AP3D1: variants seen among roughly 807,000 people sequenced by gnomAD.
The protein encoded by AP3D1 is adaptor related protein complex 3 subunit delta 1, also known as AP-3 complex subunit delta-1.
A neutral mutation model predicts 147.6 loss-of-function variants in AP3D1; 51 were observed. The ratio of observed to expected loss-of-function variants is 0.35; its 90% confidence interval spans 0.28 to 0.44. The LOEUF is 0.44. Ranked by LOEUF, AP3D1 falls within the 20% of genes least tolerant of loss-of-function variation. The pLI, the probability that AP3D1 is intolerant of heterozygous loss-of-function variation, is 1.00. For synonymous variants in AP3D1, 760 were observed against 663.0 expected (o/e 1.15, Z -2.25); for missense variants, 1,421 against 1,624.2 (o/e 0.87, Z 2.15).
Position 2,145,378 on chromosome 19 carries a change from C to T in AP3D1, c.96+5861G>A, listed in dbSNP as rs1213893879. ...GCCACGTGGACAAATCAGCCACCAG[C>T]CAGTCCAAGAACTCCTAAGGCAGTG... On this transcript the variant is annotated intron_variant, in intron 1 of 31. Coordinates refer to ENST00000643116, the MANE Select transcript of AP3D1 (RefSeq NM_001261826.3). Among the ~76,000 whole-genome samples, 4 of 152,232 alleles carry T rather than the reference C, an allele frequency of 2.6e-5. No homozygotes were observed. In the East Asian group the frequency reaches 5.8e-4, roughly 22 times the overall value.
chr19:2,149,555 A>T (rs2019451230), intron 1 of AP3D1, among the ~76,000 whole-genome samples: 1 of 151,850 alleles, frequency 6.6e-6, no homozygotes, highest in South Asian at 2.1e-4. Flanking sequence ...AAAAAAAAAA[A>T]AAAAAGTTTC....
At chr19:2,159,304 C>T (rs1218877303) in intron 1 of AP3D1, among the ~76,000 whole-genome samples, 4 of 151,850 alleles carry the variant, frequency 2.6e-5, no homozygotes, top group African/African-American at 7.3e-5. Flanking sequence ...CTACAACCTC[C>T]GCCTCCCAGG....
intron 2 of AP3D1, 135 bp from the exon 3 acceptor site, chr19:2,137,942 C>T (rs1351596768): frequency 1.3e-5 from 8 of 616,932 alleles, no homozygotes; most frequent in African/African-American, 3.7e-5. Context: ...CCACCCAATA[C>T]GTACCCCTGG....
In AP3D1 at chr19:2,161,774, C is replaced by T. The variant is rs376433472; in HGVS notation, c.-103+2582G>A. 4.6e-5 allele frequency among the ~76,000 whole-genome samples: 7 copies of T among 151,634 alleles called. No homozygotes were observed. The East Asian group carries it at 7.8e-4, about 17-fold the overall frequency. ...GACCAGCCTGGCCAACATGGCGAGA[C>T]CCTATCTCTACTAAAAATACAAAAA... On this transcript the variant is annotated intron_variant, in intron 1 of 14. Transcript: ENST00000643010.
intron 16 of AP3D1, 133 bp from the exon 17 acceptor site, chr19:2,116,879 G>C: frequency 8.2e-7 from 1 of 1,224,526 alleles, no homozygotes; most frequent in Non-Finnish European, 1.1e-6. Context: ...CCCACACAGG[G>C]CCAGCGAGGC....
At chr19:2,111,634 G>T (rs1468981513) in intron 25 of AP3D1, 45 bp downstream of exon 25, 3 of 1,543,004 alleles carry the variant, frequency 1.9e-6, no homozygotes, top group East Asian at 2.4e-5. Context: ...CGCACAGCCC[G>T]CCAGGAACCC....
At position 2,102,317 on chromosome 19, in the gene AP3D1, G is replaced by C. The variant is rs757582828; in HGVS notation, c.3553-49C>G. Reference sequence around the variant, plus strand: ...ATTTTAAAAGTGTGTGCAGGGGCTAGGCACGGTGGCTCAAGTCTGTGATCC... The same window carrying C: ...ATTTTAAAAGTGTGTGCAGGGGCTACGCACGGTGGCTCAAGTCTGTGATCC... On this transcript the variant is annotated intron_variant, in intron 31 of 31. Coordinates refer to ENST00000643116, the MANE Select transcript of AP3D1 (RefSeq NM_001261826.3). 2.7e-6 allele frequency: 4 copies of C among 1,504,098 alleles called. No individual in the cohort carries two copies. In the African/African-American group the frequency reaches 4.1e-5, roughly 16 times the overall value. 93.2% of individuals were successfully genotyped at this position (1,504,098 alleles called of 1,614,324 possible). A position where few individuals can be genotyped will look rare whatever the true frequency, so the allele number is the denominator to read the frequency against.
At chr19:2,123,792 T>A (rs759421452) in intron 10 of AP3D1, 38 bp downstream of exon 10, 9 of 1,552,344 alleles carry the variant, frequency 5.8e-6, no homozygotes, top group Non-Finnish European at 6.1e-6. Context: ...GCCTCTGCAG[T>A]GTGGGACCCC....
chr19:2,131,484 C>T (rs1326733963), intron 5 of AP3D1, among the ~76,000 whole-genome samples: 58 of 130,328 alleles, frequency 4.5e-4, no homozygotes, highest in African/African-American at 1.5e-3. Flanking sequence ...ATCTAGACAC[C>T]CGGTGGACAG....
chr19:2,104,666 GTTTTTTTTTT>G (rs967229513), intron 31 of AP3D1, among the ~76,000 whole-genome samples: 1 of 113,462 alleles, frequency 8.8e-6, no homozygotes, highest in Non-Finnish European at 1.8e-5. Flanking sequence ...TCTGACACAA[GTTTTTTTTTT>G]TTTTTTTTTT....
At chr19:2,121,673 C>G in intron 12 of AP3D1, 61 bp downstream of exon 12, 1 of 1,520,800 alleles carries the variant, frequency 6.6e-7, no homozygotes, top group Admixed American at 2.2e-5. Flanking sequence ...CTGCACCTGA[C>G]ACTTAATGTC....
At chr19:2,119,599 G>A (rs975402208) in intron 14 of AP3D1, among the ~76,000 whole-genome samples, 4 of 151,388 alleles carry the variant, frequency 2.6e-5, no homozygotes, top group African/African-American at 4.9e-5. Context: ...GCGAGGCTGA[G>A]GCAGGAGAAT....
At position 2,108,034 on chromosome 19, in the gene AP3D1, C is replaced by T. The variant is rs573776197; in HGVS notation, c.3552+653G>A. On this transcript the variant is annotated intron_variant, in intron 31 of 31. Coordinates refer to ENST00000643116, the MANE Select transcript of AP3D1 (RefSeq NM_001261826.3). ...GCTAAAAGCCTGCAGAAAAGGAACT[C>T]CCCAGGCCCGATGGTTTTCTGGTGA... Among the ~76,000 whole-genome samples the T allele has an allele frequency of 2.4e-4, 37 of 152,282 alleles. 1 individual carries two copies. The South Asian group carries it at 6.8e-3, about 28-fold the overall frequency.
intron 9 of AP3D1, 42 bp downstream of exon 9, chr19:2,127,110 G>C (rs776579146): frequency 6.2e-7 from 1 of 1,606,652 alleles, no homozygotes; most frequent in African/African-American, 1.3e-5. Context: ...CCCCAGCCTG[G>C]CAGTGCCAGC....
At chr19:2,135,362 C>G (rs2019049565) in intron 4 of AP3D1, among the ~76,000 whole-genome samples, 1 of 152,048 alleles carries the variant, frequency 6.6e-6, no homozygotes. Context: ...ATGGTGAAAC[C>G]CCATCTCTAC....
intron 9 of AP3D1, among the ~76,000 whole-genome samples, chr19:2,124,636 C>T (rs770068846): frequency 3.9e-5 from 6 of 152,146 alleles, no homozygotes; most frequent in East Asian, 3.9e-4. Flanking sequence ...GCTATGAGGA[C>T]GCAAAAGCAT....
chr19:2,129,256 C>T, intron 7 of AP3D1, 62 bp downstream of exon 7: 1 of 1,597,082 alleles, frequency 6.3e-7, no homozygotes, highest in Non-Finnish European at 8.6e-7. Flanking sequence ...GGGAATGCCC[C>T]ACACAGGGTG....
At chr19:2,120,689 G>A (rs1195519846) in intron 14 of AP3D1, among the ~76,000 whole-genome samples, 173 bp downstream of exon 14, 2 of 152,212 alleles carry the variant, frequency 1.3e-5, no homozygotes, top group Admixed American at 6.5e-5. Context: ...TGTAAAGGGG[G>A]AATGGGCCCG....
intron 1 of AP3D1, among the ~76,000 whole-genome samples, chr19:2,157,207 C>CCGAGG (rs2019652530): frequency 6.6e-6 from 1 of 151,454 alleles, no homozygotes; most frequent in Admixed American, 6.6e-5. Flanking sequence ...CTTTGGGAGG[C>CCGAGG]CGAGGCGGGC....
Sources: allele counts gnomAD v4.1 joint callset (sites outside exome capture counted in the v4.1 genomes callset), GRCh38; gene constraint gnomAD v4.1.1; transcripts MANE v1.5; gene names NCBI Gene and HGNC (gene_info 2026-07-23, HGNC 2026-07-21).